The following TRIM62 variants were observed in gnomAD, a reference collection of about 807,000 sequenced individuals.
TRIM62 encodes the protein tripartite motif containing 62.
TRIM62 carries 39 observed loss-of-function variants against 44.2 expected under a neutral mutation model. The ratio of observed to expected loss-of-function variants is 0.88; its 90% confidence interval spans 0.68 to 1.15. The LOEUF (loss-of-function observed/expected upper bound fraction) is 1.15, where lower values mean the gene tolerates loss of function less well. Among genes scored for constraint, TRIM62 ranks in the 50% most tolerant of loss-of-function variants. The pLI is 0.00. For missense variants in TRIM62, 544 were observed against 665.5 expected (o/e 0.82, Z 2.01); for synonymous variants, 278 against 292.3 (o/e 0.95, Z 0.50).
intron 4 of TRIM62, among the ~76,000 whole-genome samples, chr1:33,148,933 A>G (rs1475411203): frequency 1.3e-5 from 2 of 152,160 alleles, no homozygotes; most frequent in African/African-American, 2.4e-5. Flanking sequence ...GTCGTCTGCA[A>G]TCTAGCGCCA....
intron 4 of TRIM62, among the ~76,000 whole-genome samples, chr1:33,157,236 T>C (rs906006553): frequency 1.3e-5 from 2 of 152,124 alleles, no homozygotes; most frequent in Non-Finnish European, 2.9e-5. Flanking sequence ...TCCTTCTCAC[T>C]CATCTCCCTC....
Position 33,181,131 on chromosome 1 carries a change from A to G in TRIM62, c.302T>C (p.Leu101Pro), listed in dbSNP as rs1454304603. ...AAGCGCGCGGTCCGTGAGGCAGAAG[A>G]GCTTGACCTTGTCGTGCGCCTGGCA... ...RPCQAHDKVK[L>P]FCLTDRALLC... Residue 101 changes from leucine (L) to proline (P), a missense_variant, in exon 1 of 5, where the codon CTC (leucine) becomes CCC (proline). Coordinates refer to ENST00000291416, the MANE Select transcript of TRIM62 (RefSeq NM_018207.3). The surrounding 1 kb of genome is among the most constrained non-coding windows in gnomAD (Gnocchi z 6.5). 1 of 1,600,858 alleles carries G rather than the reference A, an allele frequency of 6.2e-7. No homozygotes were observed. The highest frequency in any genetic ancestry group is 1.3e-5 in the African/African-American group (1 of 74,846).
chr1:33,169,824 C>T (rs1285063863), intron 1 of TRIM62, among the ~76,000 whole-genome samples: 3 of 152,224 alleles, frequency 2.0e-5, no homozygotes, highest in Non-Finnish European at 2.9e-5. Flanking sequence ...CAGAACTGCC[C>T]GTTCTACCAG....
intron 1 of TRIM62, among the ~76,000 whole-genome samples, chr1:33,176,224 A>G (rs184566040): frequency 2.7e-4 from 41 of 152,136 alleles, no homozygotes; most frequent in African/African-American, 9.6e-4. Context: ...ATATTTAGCA[A>G]CTCTTTCTCT....
chr1:33,148,427 A>T (rs1391209169), intron 4 of TRIM62, among the ~76,000 whole-genome samples: 2 of 152,136 alleles, frequency 1.3e-5, no homozygotes, highest in Non-Finnish European at 2.9e-5. Flanking sequence ...TTTGTTTGGA[A>T]CTTCCCTAAG....
intron 2 of TRIM62, chr1:33,163,333 C>T (rs1227207049): frequency 3.3e-5 from 5 of 151,772 alleles, no homozygotes; most frequent in Non-Finnish European, 5.9e-5. Context: ...GCCACTGTGC[C>T]TGGCCGATTT....
intron 2 of TRIM62, chr1:33,164,323 A>G (rs917243536): frequency 2.6e-5 from 4 of 152,260 alleles, no homozygotes; most frequent in African/African-American, 7.2e-5. Context: ...GGCCCAGCGC[A>G]TTCCTAAGGC....
At chr1:33,157,888 C>T in intron 4 of TRIM62, among the ~76,000 whole-genome samples, 1 of 152,104 alleles carries the variant, frequency 6.6e-6, no homozygotes, top group African/African-American at 2.4e-5. Context: ...TCTCGAGTAG[C>T]TGGGATTACA....
At chr1:33,178,937 G>T (rs1287397108) in intron 1 of TRIM62, among the ~76,000 whole-genome samples, 1 of 152,236 alleles carries the variant, frequency 6.6e-6, no homozygotes, top group Non-Finnish European at 1.5e-5. Flanking sequence ...GGAGAACCAA[G>T]GCTCTGAAGC....
chr1:33,178,150 C>T lies in TRIM62; in HGVS notation c.408+2875G>A, dbSNP rs79279539. Among the ~76,000 whole-genome samples the T allele has an allele frequency of 8.4e-3, 1,284 of 152,316 alleles. 18 individuals are homozygous for T. Among genetic ancestry groups the T allele is most frequent in the African/African-American group, 0.03 (1,251 of 41,554 alleles). On this transcript the variant is annotated intron_variant, in intron 1 of 4. Coordinates refer to ENST00000291416, the MANE Select transcript of TRIM62 (RefSeq NM_018207.3). ...TTCGAGGCCTTAGGCAAGTTCCCTT[C>T]CTCCCTCTCCCTCTCCTGTTTCCCC...
At chr1:33,180,544 G>A (rs635677) in intron 1 of TRIM62, among the ~76,000 whole-genome samples, 115,371 of 151,842 alleles carry the variant, frequency 0.76, 43,823 homozygotes, top group Admixed American at 0.78. Context: ...CATCTGATCC[G>A]GTCTCCGCCC....
At chr1:33,150,975 A>G (rs558424889) in intron 4 of TRIM62, among the ~76,000 whole-genome samples, 1 of 152,256 alleles carries the variant, frequency 6.6e-6, no homozygotes, top group African/African-American at 2.4e-5. Context: ...GAGACCAGCA[A>G]CAGGCAGCAA....
rs544091315 is a variant in TRIM62, at chr1:33,177,122, C to A, written c.408+3903G>T. Among the ~76,000 whole-genome samples the A allele has an allele frequency of 4.5e-4, 69 of 151,706 alleles. No individual in the cohort carries two copies. The South Asian group carries it at 9.4e-3, about 21-fold the overall frequency. ...ACACATGCACACACACATGCATGTA[C>A]GCATGCACACACACGCACATGCACA... On this transcript the variant is annotated intron_variant, in intron 1 of 4. Coordinates refer to ENST00000291416, the MANE Select transcript of TRIM62 (RefSeq NM_018207.3). This position sits in a 1 kb window ranked among gnomAD's most constrained non-coding sequence, Gnocchi z 4.1.
Position 33,181,494 on chromosome 1 carries a change from G to C in TRIM62, c.-62C>G. ...AGGGGGGCGGCTGAGAGAGCGCGGC[G>C]CTGTCGGAGGCAGCACCGAGGGCTG... On this transcript the variant is annotated 5_prime_UTR_variant, in exon 1 of 5. Transcript: ENST00000291416. This position sits in a 1 kb window ranked among gnomAD's most constrained non-coding sequence, Gnocchi z 6.5. 1.3e-6 allele frequency: 2 copies of C among 1,505,356 alleles called. No individual in the cohort carries two copies. The allele number at this position is 1,505,356 out of a possible 1,614,324, so 93.2% of individuals were successfully genotyped here. A position where few individuals can be genotyped will look rare whatever the true frequency, so the allele number is the denominator to read the frequency against.
chr1:33,155,817 GGGGGATCT>G (rs1437050666), intron 4 of TRIM62, among the ~76,000 whole-genome samples: 2 of 152,054 alleles, frequency 1.3e-5, no homozygotes, highest in Non-Finnish European at 2.9e-5. Context: ...CTGCCCTTGG[GGGGGATCT>G]GTGATTTTGG....
chr1:33,157,254 G>A lies in TRIM62; in HGVS notation c.877+999C>T, dbSNP rs184906247. 1.1e-4 allele frequency among the ~76,000 whole-genome samples: 16 copies of A among 152,158 alleles called. No homozygotes were observed. In the East Asian group the frequency reaches 1.4e-3, roughly 13 times the overall value. ...TTCTCACTCATCTCCCTCCAGCCAC[G>A]TTAACCTCCTTGCTCTTCCTGCCTG... On this transcript the variant is annotated intron_variant, in intron 4 of 4. Transcript: ENST00000291416.
chr1:33,172,638 A>G (rs1481993483), intron 1 of TRIM62, among the ~76,000 whole-genome samples: 1 of 152,144 alleles, frequency 6.6e-6, no homozygotes, highest in Non-Finnish European at 1.5e-5. Flanking sequence ...GCACACAGTT[A>G]TGCAAATATG....
rs79203599 is a variant in TRIM62 at position 33,154,508 on chromosome 1, T to G, written c.877+3745A>C. Among the ~76,000 whole-genome samples, 206 of 151,920 alleles carry G rather than the reference T, an allele frequency of 1.4e-3. 1 individual carries two copies. Among genetic ancestry groups the G allele is most frequent in the African/African-American group, 4.8e-3 (201 of 41,450 alleles). On this transcript the variant is annotated intron_variant, in intron 4 of 4. Transcript: ENST00000291416. ...CTTTTTTTTTTCTTAATTAAATTTG[T>G]TTTTTTTGAGGCTGGGCGCGGTGGC...
In TRIM62 at chr1:33,155,018, G is replaced by A. The variant is rs552426253; in HGVS notation, c.877+3235C>T. On this transcript the variant is annotated intron_variant, in intron 4 of 4. Transcript: ENST00000291416. ...TGAGGCGGGAGAATGGCGTGAACCCGGGAGGCAGACCTTGCAGTGAGCCGA... is the reference window on the plus strand; with the variant it reads ...TGAGGCGGGAGAATGGCGTGAACCCAGGAGGCAGACCTTGCAGTGAGCCGA... Among the ~76,000 whole-genome samples the A allele has an allele frequency of 1.7e-3, 246 of 142,090 alleles. 2 individuals carry two copies. Among genetic ancestry groups the A allele is most frequent in the Non-Finnish European group, 2.6e-3 (168 of 65,240 alleles). 93.2% of individuals were successfully genotyped at this position (142,090 alleles called of 152,430 possible). A position where few individuals can be genotyped will look rare whatever the true frequency, so the allele number is the denominator to read the frequency against.
Sources: allele counts gnomAD v4.1 joint callset (sites outside exome capture counted in the v4.1 genomes callset), GRCh38; gene constraint gnomAD v4.1.1; non-coding constraint Gnocchi (gnomAD v3.1); transcripts MANE v1.5; gene names NCBI Gene and HGNC (gene_info 2026-07-23, HGNC 2026-07-21).